Variants in MYOF observed in about 807,000 individuals in gnomAD.
MYOF encodes myoferlin.
In MYOF, 244 loss-of-function variants were observed where a neutral mutation model predicts 284.2. The ratio of observed to expected loss-of-function variants is 0.86; its 90% confidence interval spans 0.77 to 0.95. The LOEUF (loss-of-function observed/expected upper bound fraction) is 0.95, where lower values mean the gene tolerates loss of function less well. Among genes scored for constraint, MYOF ranks in the 40% least tolerant of loss-of-function variants. The pLI is 0.00. For synonymous variants in MYOF, 904 were observed against 919.7 expected, an observed-to-expected ratio of 0.98 and a Z score of 0.31; for missense variants, 2,496 against 2,560.6, an observed-to-expected ratio of 0.97 and a Z score of 0.54.
chr10:93,429,097 C>T (rs572231921), intron 4 of MYOF, among the ~76,000 whole-genome samples: 48 of 152,246 alleles, frequency 3.2e-4, no homozygotes, highest in African/African-American at 1.1e-3. Flanking sequence ...GTCATGGGGG[C>T]GGATCCCTCA....
At chr10:93,344,067 G>C (rs2094146530) in intron 37 of MYOF, 135 bp from the exon 38 acceptor site, 5 of 814,720 alleles carry the variant, frequency 6.1e-6, no homozygotes, top group African/African-American at 5.1e-5. Flanking sequence ...AGAATAGAGA[G>C]GACAACTCCT....
intron 27 of MYOF, among the ~76,000 whole-genome samples, chr10:93,361,806 C>T (rs1276139363): frequency 1.3e-5 from 2 of 152,200 alleles, no homozygotes; most frequent in Admixed American, 6.5e-5. Context: ...TGTGAAATTG[C>T]TGTTGTTATA....
rs773785661 is a variant in MYOF, at chr10:93,380,004, G to A, written c.1877-17C>T. On this transcript the variant is annotated splice_polypyrimidine_tract_variant and intron_variant, in intron 20 of 53. Coordinates refer to ENST00000359263, the MANE Select transcript of MYOF (RefSeq NM_013451.4). ...AGTAGTTGCCTGGTATAAAACATTG[G>A]GGGTCAATGAACACTGAACACTTAA... 6.2e-7 allele frequency: 1 copy of A among 1,610,064 alleles called. No individual in the cohort carries two copies. Among genetic ancestry groups the A allele is most frequent in the South Asian group, 1.1e-5 (1 of 90,812 alleles).
At position 93,387,813 on chromosome 10, in the gene MYOF, T is replaced by C. The variant is rs1328362139; in HGVS notation, c.1682A>G (p.Asp561Gly). 6.2e-7 allele frequency: 1 copy of C among 1,613,902 alleles called. No individual in the cohort carries two copies. ...AACATTTACCTCAACAACCAGCAGG[T>C]CATCATTTGAAATGGGCTCAAGCTT... ...DKKLEPISND[D>G]LLVVEKYQRR... Residue 561 changes from aspartate to glycine, a missense_variant, in exon 19 of 54, where the codon GAC becomes GGC. By Grantham distance (94) the Asp-to-Gly change is moderately conservative. Transcript: ENST00000359263.
chr10:93,335,540 A>G (rs1393755805), intron 41 of MYOF, among the ~76,000 whole-genome samples: 1 of 152,094 alleles, frequency 6.6e-6, no homozygotes, highest in Non-Finnish European at 1.5e-5. Flanking sequence ...GGATGAAGAG[A>G]GGAACTAGAT....
intron 7 of MYOF, among the ~76,000 whole-genome samples, chr10:93,408,209 C>T (rs930306123): frequency 1.3e-5 from 2 of 152,068 alleles, no homozygotes; most frequent in African/African-American, 4.8e-5. Context: ...TTTTAGATAT[C>T]TAAAAGCTAG....
chr10:93,424,929 A>ATTTTTTTTT (rs11376911), intron 5 of MYOF, among the ~76,000 whole-genome samples: 3 of 77,762 alleles, frequency 3.9e-5, no homozygotes, highest in Non-Finnish European at 6.8e-5. Context: ...GGAGAATTCC[A>ATTTTTTTTT]TTTTTTTTTT....
intron 1 of MYOF, among the ~76,000 whole-genome samples, chr10:93,464,523 A>G (rs1835026480): frequency 1.3e-5 from 2 of 152,132 alleles, no homozygotes; most frequent in Non-Finnish European, 2.9e-5. Flanking sequence ...AAAAGCACAG[A>G]TGTCGGCCCA....
At chr10:93,371,733 C>CT (rs966569399) in intron 24 of MYOF, among the ~76,000 whole-genome samples, 7 of 132,764 alleles carry the variant, frequency 5.3e-5, no homozygotes, top group East Asian at 7.4e-4. Context: ...GGCCTTCAAC[C>CT]TTTTTTTTTA....
intron 43 of MYOF, among the ~76,000 whole-genome samples, chr10:93,330,778 C>G (rs1363947418): frequency 6.6e-6 from 1 of 152,148 alleles, no homozygotes; most frequent in Non-Finnish European, 1.5e-5. Context: ...TGCCTCCTCC[C>G]CTTCTCCTTG....
intron 7 of MYOF, among the ~76,000 whole-genome samples, chr10:93,408,155 G>A (rs1847706111): frequency 6.6e-6 from 1 of 152,000 alleles, no homozygotes; most frequent in South Asian, 2.1e-4. Flanking sequence ...TTACAGGTGT[G>A]TACCCCCATA....
chr10:93,440,386 T>G (rs938824633), intron 3 of MYOF, among the ~76,000 whole-genome samples: 1 of 150,608 alleles, frequency 6.6e-6, no homozygotes, highest in African/African-American at 2.4e-5. Context: ...CACTCCAGCC[T>G]GTCGACAGAG....
chr10:93,434,302 C>G (rs781723827), intron 3 of MYOF, among the ~76,000 whole-genome samples: 1 of 151,822 alleles, frequency 6.6e-6, no homozygotes, highest in Non-Finnish European at 1.5e-5. Context: ...TGTGGTGGTG[C>G]GCACCTGTAA....
At chr10:93,307,287 GTTTATT>G (rs1053811617) in intron 53 of MYOF, among the ~76,000 whole-genome samples, 22 of 151,900 alleles carry the variant, frequency 1.4e-4, no homozygotes, top group Admixed American at 3.9e-4. Flanking sequence ...GGAACCACTG[GTTTATT>G]TTTATTTTTA....
intron 4 of MYOF, among the ~76,000 whole-genome samples, chr10:93,427,647 C>T (rs1848657003): frequency 1.3e-5 from 2 of 150,590 alleles, no homozygotes; most frequent in Non-Finnish European, 3.0e-5. Context: ...AATATGCAAA[C>T]CATAAAGTTA....
intron 12 of MYOF, 66 bp from the exon 13 acceptor site, chr10:93,399,561 A>G (rs965188737): frequency 8.6e-7 from 1 of 1,161,070 alleles, no homozygotes; most frequent in African/African-American, 1.5e-5. Flanking sequence ...AAATTTTAAA[A>G]GTTCTCTTAT....
At position 93,366,545 on chromosome 10, in the gene MYOF, T is replaced by TTCCAAA; in HGVS notation, c.2599_2600insTTTGGA (p.Gln867delinsLeuTrpLys). The TTCCAAA allele has an allele frequency of 6.2e-7, 1 of 1,604,622 alleles. No homozygotes were observed. Among genetic ancestry groups the TTCCAAA allele is most frequent in the Non-Finnish European group, 8.5e-7 (1 of 1,177,150 alleles). ...ACCCCATTTTCCAAACATGAGAGCT[T>TTCCAAA]GATTTTCATACTATTAAAAAAGAGA... On this transcript the variant is annotated protein_altering_variant, in exon 26 of 54. Coordinates refer to ENST00000359263, the MANE Select transcript of MYOF (RefSeq NM_013451.4).
chr10:93,475,902 A>T (rs948634199), intron 1 of MYOF, among the ~76,000 whole-genome samples: 6 of 152,188 alleles, frequency 3.9e-5, no homozygotes, highest in Middle Eastern at 3.2e-3. Context: ...ACCCTGCAGA[A>T]TGTGCCTTTG....
chr10:93,386,904 A>C (rs1451509180), intron 19 of MYOF, among the ~76,000 whole-genome samples: 1 of 152,170 alleles, frequency 6.6e-6, no homozygotes, highest in Non-Finnish European at 1.5e-5. Flanking sequence ...GACTCAGATG[A>C]AAACGTGTTC....
Sources: gnomAD v4.1 joint callset for allele counts (sites outside exome capture counted in the v4.1 genomes callset) on GRCh38, gnomAD v4.1.1 for gene constraint, MANE v1.5 for transcripts, NCBI Gene and HGNC (gene_info 2026-07-23, HGNC 2026-07-21) for gene names.